Variants in DNAJC6 observed in about 807,000 individuals in gnomAD.
DNAJC6 encodes DnaJ heat shock protein family (Hsp40) member C6.
DNAJC6 carries 34 observed loss-of-function variants against 110.0 expected under a neutral mutation model. The observed-to-expected ratio is 0.31, with a 90% CI of 0.24 to 0.41. The LOEUF (loss-of-function observed/expected upper bound fraction) is 0.41, where lower values mean the gene tolerates loss of function less well. Among genes scored for constraint, DNAJC6 ranks in the 10% least tolerant of loss-of-function variants. The pLI is 1.00. For missense variants in DNAJC6, 1,031 were observed against 1,207.8 expected (o/e 0.85, Z 2.17); for synonymous variants, 406 against 437.2 (o/e 0.93, Z 0.89).
chr1:65,286,073 C>T (rs934259678), intron 1 of DNAJC6, among the ~76,000 whole-genome samples: 25 of 152,158 alleles, frequency 1.6e-4, no homozygotes, highest in African/African-American at 6.0e-4. Context: ...TAACATATCC[C>T]TCTACCTCCC....
At chr1:65,353,992 A>G (rs1480000139) in intron 1 of DNAJC6, among the ~76,000 whole-genome samples, 2 of 152,066 alleles carry the variant, frequency 1.3e-5, no homozygotes, top group African/African-American at 4.8e-5. Context: ...CTTCTCTTTG[A>G]TTATTGCATT....
rs1645902964 is a variant in DNAJC6, at chr1:65,389,408, TCTC to T, written c.1347_1349del (p.Ser451del). The T allele has an allele frequency of 6.2e-7, 1 of 1,614,002 alleles. No individual in the cohort carries two copies. Among genetic ancestry groups the T allele is most frequent in the Admixed American group, 1.7e-5 (1 of 60,004 alleles). On this transcript the variant is annotated inframe_deletion, in exon 10 of 19. Coordinates refer to ENST00000371069, the MANE Select transcript of DNAJC6 (RefSeq NM_001256864.2). ...AAAGATGTCAATCCCAGCATCCTCT[TCTC>T]TTCTCACCAGGAACATCAAGATACG...
At chr1:65,409,517 G>A (rs1646108627) in intron 17 of DNAJC6, among the ~76,000 whole-genome samples, 2 of 152,178 alleles carry the variant, frequency 1.3e-5, no homozygotes, top group Admixed American at 1.3e-4. Flanking sequence ...TGAGTCATTA[G>A]AATTTGCTGG....
At chr1:65,310,402 C>A (rs1645088545) in intron 1 of DNAJC6, among the ~76,000 whole-genome samples, 1 of 152,218 alleles carries the variant, frequency 6.6e-6, no homozygotes, top group African/African-American at 2.4e-5. Context: ...GTTATTCTTG[C>A]AATGCTGATG....
At chr1:65,404,732 G>A (rs1276999730) in intron 15 of DNAJC6, among the ~76,000 whole-genome samples, 2 of 152,166 alleles carry the variant, frequency 1.3e-5, no homozygotes, top group Non-Finnish European at 2.9e-5. Flanking sequence ...TGTAGTGAAA[G>A]GCTTAGCAAT....
chr1:65,308,248 G>A (rs187010174), upstream of DNAJC6, among the ~76,000 whole-genome samples: 5 of 152,250 alleles, frequency 3.3e-5, no homozygotes, highest in East Asian at 9.6e-4. Context: ...AAGCAAAGCT[G>A]GCTTTGTGTA....
At chr1:65,295,267 A>G (rs1241869639) in intron 1 of DNAJC6, among the ~76,000 whole-genome samples, 2 of 152,126 alleles carry the variant, frequency 1.3e-5, no homozygotes, top group South Asian at 2.1e-4. Context: ...CTATATACCT[A>G]TCTTCCTCTC....
rs60721817 is a variant in DNAJC6 at position 65,269,388 on chromosome 1, T to C, written c.-131+4456T>C. On this transcript the variant is annotated intron_variant, in intron 1 of 19. Coordinates refer to the DNAJC6 transcript ENST00000263441. ...GTCTCAAAAAAAAAAAAAAAAGTTG[T>C]CTATGCCAATGGTTCCTGAGATAAC... 5.4e-3 allele frequency among the ~76,000 whole-genome samples: 819 copies of C among 151,742 alleles called. 2 individuals carry two copies. The highest frequency in any genetic ancestry group is 0.019 in the African/African-American group (792 of 41,376).
chr1:65,371,004 GT>G (rs751997436), intron 4 of DNAJC6, among the ~76,000 whole-genome samples: 77 of 152,206 alleles, frequency 5.1e-4, no homozygotes, highest in Middle Eastern at 6.8e-3. Context: ...AATAACTGGA[GT>G]GAAAAAAACA....
chr1:65,381,239 G>A (rs991551009), intron 5 of DNAJC6, among the ~76,000 whole-genome samples: 9 of 151,658 alleles, frequency 5.9e-5, no homozygotes, highest in Non-Finnish European at 8.8e-5. Flanking sequence ...ATATACTACT[G>A]GTTATTATAT....
chr1:65,351,982 T>G (rs1483012475), intron 1 of DNAJC6, among the ~76,000 whole-genome samples: 3 of 152,110 alleles, frequency 2.0e-5, no homozygotes, highest in Non-Finnish European at 4.4e-5. Flanking sequence ...GCCAGGCTGG[T>G]CTTGAACTCC....
intron 16 of DNAJC6, 78 bp from the exon 17 acceptor site, chr1:65,408,563 T>C (rs201765796): frequency 5.3e-6 from 8 of 1,518,208 alleles, no homozygotes; most frequent in Non-Finnish European, 8.9e-7. Flanking sequence ...CCTTGAAGAC[T>C]CCAGATGCTG....
chr1:65,314,185 TAAAC>T (rs1645127767), intron 1 of DNAJC6, among the ~76,000 whole-genome samples: 1 of 151,332 alleles, frequency 6.6e-6, no homozygotes, highest in Non-Finnish European at 1.5e-5. Context: ...CATATATAAA[TAAAC>T]AAAATATTGT....
chr1:65,389,942 G>A (rs1481331687), intron 11 of DNAJC6, among the ~76,000 whole-genome samples: 2 of 152,168 alleles, frequency 1.3e-5, no homozygotes, highest in Non-Finnish European at 2.9e-5. Flanking sequence ...GAGCCCAGGA[G>A]TTCAAGGTTG....
upstream of DNAJC6, among the ~76,000 whole-genome samples, chr1:65,308,155 T>C (rs1645061957): frequency 6.6e-6 from 1 of 152,208 alleles, no homozygotes; most frequent in South Asian, 2.1e-4. Context: ...TGGACTGAAG[T>C]CTCTTAGATG....
Position 65,392,784 on chromosome 1 carries a change from AGT to A in DNAJC6, c.1824_1825del (p.Ser608ArgfsTer31). 6.2e-7 allele frequency: 1 copy of A among 1,608,192 alleles called. No individual in the cohort carries two copies. Among genetic ancestry groups the A allele is most frequent in the Non-Finnish European group, 8.5e-7 (1 of 1,177,202 alleles). ...QSGVEDVFHP[S>X]GPASTQSTPR... ...AGGAGTGGAAGATGTGTTTCATCCT[AGT>A]GGACCTGCGTCTACCCAGTCAACAC... is the stretch of plus-strand genomic sequence containing the variant. On this transcript the variant is annotated frameshift_variant, in exon 12 of 19. Coordinates refer to ENST00000371069, the MANE Select transcript of DNAJC6 (RefSeq NM_001256864.2). LOFTEE classifies it high-confidence loss of function.
chr1:65,400,655 T>C (rs1646022402), intron 14 of DNAJC6, among the ~76,000 whole-genome samples: 1 of 152,238 alleles, frequency 6.6e-6, no homozygotes, highest in Non-Finnish European at 1.5e-5. Flanking sequence ...TCTCAAATGA[T>C]AGGAATTCTT....
At chr1:65,327,790 A>G (rs1201593489) in intron 1 of DNAJC6, among the ~76,000 whole-genome samples, 1 of 152,234 alleles carries the variant, frequency 6.6e-6, no homozygotes, top group East Asian at 1.9e-4. Flanking sequence ...CCCATATAGT[A>G]TTACCAAATA....
At position 65,357,761 on chromosome 1, in the gene DNAJC6, C is replaced by CTGTGAACTG. The variant is rs1197456482; in HGVS notation, c.194-6871_194-6863dup. On this transcript the variant is annotated intron_variant, in intron 1 of 18. Coordinates refer to ENST00000371069, the MANE Select transcript of DNAJC6 (RefSeq NM_001256864.2). ...CAGGCCAGCTGAGAAACTTGTGTGG[C>CTGTGAACTG]TGTGAACTGTGATGAATCACGCAAG... Among the ~76,000 whole-genome samples, 4 of 152,202 alleles carry CTGTGAACTG rather than the reference C, an allele frequency of 2.6e-5. No homozygotes were observed. In the South Asian group the frequency reaches 6.2e-4, roughly 24 times the overall value.
Sources: gnomAD v4.1 joint callset for allele counts (sites outside exome capture counted in the v4.1 genomes callset) on GRCh38, gnomAD v4.1.1 for gene constraint, MANE v1.5 for transcripts, NCBI Gene and HGNC (gene_info 2026-07-23, HGNC 2026-07-21) for gene names.